Variants in NOMO1 observed in about 807,000 individuals in gnomAD.
NOMO1 encodes the protein nodal modulator 3.
A neutral mutation model predicts 133.8 loss-of-function variants in NOMO1; 40 were observed. The ratio of observed to expected loss-of-function variants is 0.30; its 90% CI spans 0.23 to 0.39. The LOEUF (loss-of-function observed/expected upper bound fraction) is 0.39. NOMO1 is among the 10% of genes least tolerant of loss of function. NOMO1 has a pLI of 1.00. For synonymous variants in NOMO1, 236 were observed against 570.5 expected (o/e 0.41, Z 8.36); for missense variants, 462 against 1,419.9 (o/e 0.33, Z 10.84).
intron 27 of NOMO1, 22 bp downstream of exon 27, chr16:14,884,504 C>G (rs1390873407): frequency 1.9e-6 from 3 of 1,611,420 alleles, no homozygotes; most frequent in African/African-American, 2.7e-5. Context: ...CTTTTAAGCT[C>G]CAAGTATTGT....
At chr16:14,836,277 T>G (rs28720080) in intron 1 of NOMO1, among the ~76,000 whole-genome samples, 4 of 150,192 alleles carry the variant, frequency 2.7e-5, no homozygotes, top group Non-Finnish European at 5.9e-5. Context: ...TAGAGTAAGC[T>G]AGACACTGTC....
chr16:14,863,268 A>G, intron 12 of NOMO1, 81 bp downstream of exon 12: 1 of 1,485,204 alleles, frequency 6.7e-7, no homozygotes, highest in South Asian at 1.4e-5. Flanking sequence ...GAATGGGGTT[A>G]GAGAAGGAGC....
intron 26 of NOMO1, 107 bp from the exon 27 acceptor site, chr16:14,884,265 T>C (rs923644887): frequency 6.6e-7 from 1 of 1,517,704 alleles, no homozygotes; most frequent in Non-Finnish European, 9.0e-7. Context: ...TTCCTTAATG[T>C]AAGAAGCAAA....
chr16:14,884,806 T>G (rs899002013), intron 27 of NOMO1, among the ~76,000 whole-genome samples: 2 of 151,750 alleles, frequency 1.3e-5, no homozygotes, highest in African/African-American at 2.4e-5. Flanking sequence ...AAAGCCAATT[T>G]TAAAGAAAGC....
chr16:14,838,277 C>T (rs937790695), intron 1 of NOMO1, 130 bp from the exon 2 acceptor site: 7 of 844,798 alleles, frequency 8.3e-6, no homozygotes, highest in Non-Finnish European at 1.1e-5. Context: ...CCAGTAATGC[C>T]CCGTGTTAAA....
At chr16:14,852,343 AATATT>A in intron 6 of NOMO1, 82 bp from the exon 7 acceptor site, 1 of 1,532,998 alleles carries the variant, frequency 6.5e-7, no homozygotes, top group South Asian at 1.2e-5. Context: ...TTTCCCAGTT[AATATT>A]TTAGCTTCAG....
intron 2 of NOMO1, among the ~76,000 whole-genome samples, chr16:14,838,917 A>G (rs1222093030): frequency 2.6e-5 from 4 of 151,756 alleles, no homozygotes; most frequent in Admixed American, 2.0e-4. Context: ...CAAGTAATAC[A>G]TGAATTCATG....
intron 22 of NOMO1, among the ~76,000 whole-genome samples, chr16:14,877,720 G>T (rs1277279893): frequency 6.7e-6 from 1 of 149,260 alleles, no homozygotes; most frequent in Non-Finnish European, 1.5e-5. Flanking sequence ...ACACTGTTTT[G>T]CAGGGATTAG....
Position 14,893,020 on chromosome 16 carries a change from C to T in NOMO1, c.3445-1978C>T, listed in dbSNP as rs562522785. On this transcript the variant is annotated intron_variant, in intron 29 of 30. Coordinates refer to ENST00000287667, the MANE Select transcript of NOMO1 (RefSeq NM_014287.4). The stretch of plus-strand genomic sequence containing the variant: ...GCCCTGCTGAGCATTTCACATACTC[C>T]TTTCATCAAGTTTCACAGCATCCAC... Among the ~76,000 whole-genome samples, 6 of 147,688 alleles carry T rather than the reference C, an allele frequency of 4.1e-5. No individual in the cohort carries two copies. In the East Asian group the frequency reaches 1.2e-3, roughly 29 times the overall value.
At chr16:14,874,484 C>T (rs999677595) in intron 18 of NOMO1, among the ~76,000 whole-genome samples, 17 of 152,100 alleles carry the variant, frequency 1.1e-4, no homozygotes, top group Admixed American at 5.9e-4. Flanking sequence ...CTCAACGTCA[C>T]CTTATCAGAA....
At chr16:14,883,055 T>G (rs1228284423) in intron 26 of NOMO1, among the ~76,000 whole-genome samples, 2 of 152,086 alleles carry the variant, frequency 1.3e-5, no homozygotes, top group African/African-American at 2.4e-5. Flanking sequence ...GATGACCTTT[T>G]TCCTGCTCCC....
At chr16:14,867,085 A>G in intron 15 of NOMO1, among the ~76,000 whole-genome samples, 1 of 119,736 alleles carries the variant, frequency 8.4e-6, no homozygotes, top group Non-Finnish European at 1.7e-5. Context: ...GGCTTAAGTG[A>G]ACCCTCTTAG....
chr16:14,835,828 C>T (rs1448353038), intron 1 of NOMO1, among the ~76,000 whole-genome samples: 2 of 151,888 alleles, frequency 1.3e-5, no homozygotes, highest in Non-Finnish European at 2.9e-5. Flanking sequence ...CTCTAGCTTT[C>T]TCCCATCCTG....
intron 13 of NOMO1, 101 bp downstream of exon 13, chr16:14,864,827 T>C: frequency 6.3e-7 from 1 of 1,592,270 alleles, no homozygotes. Context: ...TGTTTGCTAC[T>C]GATCACCTGC....
rs1178503818 is a variant in NOMO1 at position 14,878,850 on chromosome 16, A to AT, written c.2757+19dup. The AT allele has an allele frequency of 6.2e-7, 1 of 1,604,780 alleles. No homozygotes were observed. The highest frequency in any genetic ancestry group is 8.5e-7 in the Non-Finnish European group (1 of 1,173,742). ...CTCAAACCTGGTAACGTGTTCTGCA[A>AT]TTTACCACCTGCCTGTCTTCCCTGA... On this transcript the variant is annotated intron_variant, in intron 23 of 30. Coordinates refer to ENST00000287667, the MANE Select transcript of NOMO1 (RefSeq NM_014287.4).
chr16:14,879,581 CA>C (rs1340138825), intron 23 of NOMO1, among the ~76,000 whole-genome samples: 1 of 142,780 alleles, frequency 7.0e-6, no homozygotes, highest in Non-Finnish European at 1.5e-5. Flanking sequence ...CCCATCTCTA[CA>C]AAAAATAAAA....
intron 2 of NOMO1, among the ~76,000 whole-genome samples, chr16:14,840,270 T>A (rs1257994498): frequency 6.9e-3 from 486 of 70,266 alleles, no homozygotes; most frequent in African/African-American, 0.027. Flanking sequence ...AATTAATTTT[T>A]AAATAGTATC....
chr16:14,878,322 G>A (rs1194374915), intron 22 of NOMO1, among the ~76,000 whole-genome samples: 3 of 130,148 alleles, frequency 2.3e-5, no homozygotes, highest in East Asian at 2.3e-4. Context: ...GGCAAGACCC[G>A]TCTCTATAAA....
chr16:14,886,140 C>A (rs1015071252), intron 27 of NOMO1, among the ~76,000 whole-genome samples: 1 of 152,058 alleles, frequency 6.6e-6, no homozygotes, highest in Admixed American at 6.5e-5. Context: ...AGGCAAGAAC[C>A]CCAGAAATAA....
Sources: allele counts gnomAD v4.1 joint callset (sites outside exome capture counted in the v4.1 genomes callset), GRCh38; gene constraint gnomAD v4.1.1; transcripts MANE v1.5; gene names NCBI Gene and HGNC (gene_info 2026-07-23, HGNC 2026-07-21).